Variants in ANGPT1 observed in about 807,000 individuals in gnomAD.
The protein encoded by ANGPT1 is angiopoietin-1.
In ANGPT1, 17 loss-of-function variants were observed where a neutral mutation model predicts 62.2. The observed-to-expected ratio is 0.27, with a 90% CI of 0.19 to 0.41. The LOEUF (loss-of-function observed/expected upper bound fraction) is 0.41, where lower values mean the gene tolerates loss of function less well. ANGPT1 is among the 10% of genes least tolerant of loss of function. The probability of loss-of-function intolerance (pLI) is 1.00; values close to 1 mark genes in which losing one functional copy is unlikely to be tolerated. For synonymous variants in ANGPT1, 199 were observed against 198.9 expected (o/e 1.00, Z 0.00); for missense variants, 478 against 594.9 (o/e 0.80, Z 2.04).
chr8:107,496,905 T>G (rs571540696), intron 1 of ANGPT1, among the ~76,000 whole-genome samples: 1 of 152,334 alleles, frequency 6.6e-6, no homozygotes, highest in Non-Finnish European at 1.5e-5. Flanking sequence ...AATATTGTCA[T>G]TATTATTTAT....
chr8:107,466,030 T>G (rs942476619), intron 1 of ANGPT1, among the ~76,000 whole-genome samples: 2 of 152,218 alleles, frequency 1.3e-5, no homozygotes, highest in African/African-American at 4.8e-5. Context: ...TTCCTGGCAT[T>G]GATGCATTTG....
chr8:107,433,959 A>G (rs1002296694), intron 1 of ANGPT1, among the ~76,000 whole-genome samples: 9 of 152,230 alleles, frequency 5.9e-5, no homozygotes, highest in Non-Finnish European at 7.3e-5. Flanking sequence ...GAAAGGTGAT[A>G]GGAACATATA....
chr8:107,374,051 A>G (rs1044565245), intron 1 of ANGPT1, among the ~76,000 whole-genome samples: 1 of 152,172 alleles, frequency 6.6e-6, no homozygotes, highest in African/African-American at 2.4e-5. Context: ...ATTGACCTTA[A>G]TTCCCATTTA....
chr8:107,441,562 G>A (rs1430649240), intron 1 of ANGPT1, among the ~76,000 whole-genome samples: 1 of 152,178 alleles, frequency 6.6e-6, no homozygotes, highest in Non-Finnish European at 1.5e-5. Flanking sequence ...CAGCTCAGGA[G>A]TCGGACAGAT....
At chr8:107,365,718 T>C (rs1586259459) in intron 1 of ANGPT1, among the ~76,000 whole-genome samples, 1 of 152,280 alleles carries the variant, frequency 6.6e-6, no homozygotes, top group East Asian at 1.9e-4. Flanking sequence ...ATGCAATCAC[T>C]AGAAGAGAAT....
chr8:107,424,439 G>T (rs991986628), intron 1 of ANGPT1, among the ~76,000 whole-genome samples: 1 of 152,124 alleles, frequency 6.6e-6, no homozygotes, highest in Non-Finnish European at 1.5e-5. Context: ...ACTGTAACAC[G>T]AATGCAAAAT....
At chr8:107,330,452 G>A (rs1815394368) in intron 3 of ANGPT1, among the ~76,000 whole-genome samples, 1 of 152,158 alleles carries the variant, frequency 6.6e-6, no homozygotes, top group South Asian at 2.1e-4. Context: ...AAGTAAGTCT[G>A]CAAAAGTAAG....
intron 1 of ANGPT1, among the ~76,000 whole-genome samples, chr8:107,395,834 T>C (rs1322222668): frequency 6.6e-6 from 1 of 152,164 alleles, no homozygotes; most frequent in Non-Finnish European, 1.5e-5. Context: ...AAGAAAAAGA[T>C]AGGATGTACT....
At chr8:107,490,045 T>G (rs1249061101) in intron 1 of ANGPT1, among the ~76,000 whole-genome samples, 1 of 152,196 alleles carries the variant, frequency 6.6e-6, no homozygotes, top group Non-Finnish European at 1.5e-5. Context: ...ACCTCCTTAA[T>G]TAGCAAATTA....
chr8:107,429,642 CAGG>C (rs1811125927), intron 1 of ANGPT1, among the ~76,000 whole-genome samples: 1 of 92,412 alleles, frequency 1.1e-5, no homozygotes, highest in South Asian at 3.8e-4. Context: ...TGCTGAGCTC[CAGG>C]AGGAAAAAAA....
chr8:107,318,776 T>A (rs538515167), intron 4 of ANGPT1, among the ~76,000 whole-genome samples: 1 of 152,320 alleles, frequency 6.6e-6, no homozygotes, highest in East Asian at 1.9e-4. Context: ...CACTGCAGAA[T>A]GATCAAGCTA....
chr8:107,333,194 T>G (rs868024846), intron 3 of ANGPT1, among the ~76,000 whole-genome samples: 1 of 152,170 alleles, frequency 6.6e-6, no homozygotes, highest in African/African-American at 2.4e-5. Flanking sequence ...TGGAAGACTA[T>G]GTCTAATTTA....
intron 1 of ANGPT1, among the ~76,000 whole-genome samples, chr8:107,464,577 A>G (rs1211164851): frequency 6.6e-6 from 1 of 152,128 alleles, no homozygotes; most frequent in African/African-American, 2.4e-5. Context: ...GAAAAATAGC[A>G]TAAGGTAATT....
intron 1 of ANGPT1, among the ~76,000 whole-genome samples, chr8:107,432,761 TA>T (rs1811227141): frequency 6.6e-6 from 1 of 152,176 alleles, no homozygotes; most frequent in African/African-American, 2.4e-5. Context: ...TAAGTACTGT[TA>T]ATAACAAGGA....
intron 1 of ANGPT1, among the ~76,000 whole-genome samples, chr8:107,434,469 G>A (rs993990489): frequency 4.6e-5 from 7 of 152,116 alleles, no homozygotes; most frequent in African/African-American, 1.4e-4. Context: ...TGGGGTCAAC[G>A]AAATCGTGTA....
intron 1 of ANGPT1, among the ~76,000 whole-genome samples, chr8:107,465,254 A>G (rs546585936): frequency 6.6e-6 from 1 of 152,288 alleles, no homozygotes; most frequent in African/African-American, 2.4e-5. Flanking sequence ...AATATCCATT[A>G]AAAAACAAAT....
intron 1 of ANGPT1, among the ~76,000 whole-genome samples, chr8:107,469,204 C>A (rs1812282977): frequency 6.6e-6 from 1 of 151,958 alleles, no homozygotes; most frequent in Non-Finnish European, 1.5e-5. Flanking sequence ...TAAGGGAATG[C>A]AAAGTACATT....
intron 1 of ANGPT1, among the ~76,000 whole-genome samples, chr8:107,491,303 G>A (rs936315062): frequency 9.2e-5 from 14 of 152,126 alleles, no homozygotes; most frequent in African/African-American, 3.1e-4. Flanking sequence ...TAGGTAGAAG[G>A]TATACTGCAT....
chr8:107,333,024 T>C (rs780271829), intron 3 of ANGPT1, among the ~76,000 whole-genome samples: 1 of 152,230 alleles, frequency 6.6e-6, no homozygotes, highest in Non-Finnish European at 1.5e-5. Flanking sequence ...CACATTTCTT[T>C]GTTGCAATAT....
Sources: gnomAD v4.1 joint callset for allele counts (sites outside exome capture counted in the v4.1 genomes callset) on GRCh38, gnomAD v4.1.1 for gene constraint, MANE v1.5 for transcripts, NCBI Gene and HGNC (gene_info 2026-07-23, HGNC 2026-07-21) for gene names.